The following GBP7 variants were observed in gnomAD, a reference collection of about 807,000 sequenced individuals.
The protein encoded by GBP7 is guanylate binding protein 7.
A neutral mutation model predicts 61.3 loss-of-function variants in GBP7; 43 were observed. The ratio of observed to expected loss-of-function variants is 0.70; its 90% CI spans 0.55 to 0.91. The LOEUF (loss-of-function observed/expected upper bound fraction) is 0.91. Ranked by LOEUF, GBP7 falls within the 40% of genes least tolerant of loss-of-function variation. GBP7 has a pLI of 0.00. For missense variants in GBP7, 717 were observed against 740.5 expected, an observed-to-expected ratio of 0.97 and a Z score of 0.37; for synonymous variants, 267 against 271.0, an observed-to-expected ratio of 0.99 and a Z score of 0.14.
intron 2 of GBP7, among the ~76,000 whole-genome samples, chr1:89,170,864 C>T (rs1470369988): frequency 6.6e-6 from 1 of 152,212 alleles, no homozygotes; most frequent in Non-Finnish European, 1.5e-5. Flanking sequence ...AGTGGCCTTA[C>T]TTGCTGCCAT....
At chr1:89,162,606 G>A (rs1041542026) in intron 3 of GBP7, among the ~76,000 whole-genome samples, 10 of 152,172 alleles carry the variant, frequency 6.6e-5, no homozygotes, top group African/African-American at 1.9e-4. Flanking sequence ...TTTGCATATC[G>A]ATTTTGTATC....
At position 89,147,599 on chromosome 1, in the gene GBP7, C is replaced by T. The variant is rs1557456290; in HGVS notation, c.1333G>A (p.Asp445Asn). ...YLEAKKKIEQ[D>N]YTLVPRKGVK... Reference sequence around the variant, plus strand: ...CCTTTTCTGGGCACTAGTGTATAGTCCTGTTCAATCTTCTTTTTTGCTTCT... The same window carrying T: ...CCTTTTCTGGGCACTAGTGTATAGTTCTGTTCAATCTTCTTTTTTGCTTCT... Residue 445 changes from aspartate (D) to asparagine (N), a missense_variant, in exon 8 of 11, where the codon GAC (aspartate) becomes AAC (asparagine). Physicochemically the swap from Asp to Asn is conservative, Grantham distance 23 (BLOSUM62 1). Coordinates refer to ENST00000294671, the MANE Select transcript of GBP7 (RefSeq NM_207398.3). The T allele has an allele frequency of 6.2e-7, 1 of 1,613,934 alleles. No homozygotes were observed. Among genetic ancestry groups the T allele is most frequent in the Non-Finnish European group, 8.5e-7 (1 of 1,179,938 alleles).
At chr1:89,140,533 A>G (rs1409955633) in intron 9 of GBP7, among the ~76,000 whole-genome samples, 1 of 151,702 alleles carries the variant, frequency 6.6e-6, no homozygotes, top group Non-Finnish European at 1.5e-5. Flanking sequence ...GCTGTTACTA[A>G]AAAGTAAAAA....
intron 3 of GBP7, among the ~76,000 whole-genome samples, chr1:89,154,695 C>G (rs1223688170): frequency 6.7e-6 from 1 of 149,670 alleles, no homozygotes; most frequent in Non-Finnish European, 1.5e-5. Flanking sequence ...TTCAGGCTTA[C>G]CCCCAAACTA....
intron 2 of GBP7, among the ~76,000 whole-genome samples, chr1:89,170,014 T>G (rs1425239556): frequency 1.3e-5 from 2 of 152,236 alleles, no homozygotes; most frequent in African/African-American, 4.8e-5. Context: ...TAACAGATGC[T>G]TTCTTCCATG....
At chr1:89,161,150 T>A (rs1051112699) in intron 3 of GBP7, among the ~76,000 whole-genome samples, 5 of 152,244 alleles carry the variant, frequency 3.3e-5, no homozygotes, top group African/African-American at 9.6e-5. Context: ...ATAGTGTATA[T>A]GTACCACATT....
At chr1:89,154,768 G>A (rs1682275367) in intron 3 of GBP7, among the ~76,000 whole-genome samples, 1 of 150,452 alleles carries the variant, frequency 6.6e-6, no homozygotes, top group Non-Finnish European at 1.5e-5. Context: ...TGGTGCCCCT[G>A]AACTTAATGA....
chr1:89,152,153 G>A (rs1421930914), intron 5 of GBP7, 115 bp downstream of exon 5: 7 of 835,882 alleles, frequency 8.4e-6, no homozygotes, highest in Non-Finnish European at 1.3e-5. Context: ...CAACCACCAT[G>A]AGCAAGGGCC....
chr1:89,139,144 A>T (rs985546366), intron 9 of GBP7, among the ~76,000 whole-genome samples: 1 of 152,180 alleles, frequency 6.6e-6, no homozygotes, highest in African/African-American at 2.4e-5. Context: ...AATGCCACAT[A>T]TCTACAACCA....
chr1:89,170,268 G>T (rs1647563108), intron 2 of GBP7, among the ~76,000 whole-genome samples: 1 of 152,094 alleles, frequency 6.6e-6, no homozygotes, highest in Non-Finnish European at 1.5e-5. Context: ...AAATGAATTT[G>T]TTATGCTCCT....
rs74626926 is a variant in GBP7, at chr1:89,138,815, A to G, written c.1468+2731T>C. 9.7e-3 allele frequency among the ~76,000 whole-genome samples: 1,475 copies of G among 152,220 alleles called. 28 individuals carry two copies. Among genetic ancestry groups the G allele is most frequent in the African/African-American group, 0.033 (1,391 of 41,566 alleles). ...ACTTCAAAAGCCACTGCAACCGAAC[A>G]AAAAGTTAACAAGAGGGACCTAATT... On this transcript the variant is annotated intron_variant, in intron 9 of 10. Coordinates refer to ENST00000294671, the MANE Select transcript of GBP7 (RefSeq NM_207398.3).
intron 3 of GBP7, among the ~76,000 whole-genome samples, chr1:89,163,335 A>G (rs1403484325): frequency 6.6e-6 from 1 of 151,260 alleles, no homozygotes; most frequent in South Asian, 2.1e-4. Context: ...TTCAGTAGGA[A>G]TGCTACCAGC....
intron 3 of GBP7, among the ~76,000 whole-genome samples, chr1:89,156,389 A>G (rs1682315438): frequency 1.3e-5 from 2 of 152,234 alleles, no homozygotes; most frequent in African/African-American, 4.8e-5. Flanking sequence ...AAATGCTCCA[A>G]TTAAAAGACA....
chr1:89,150,479 T>C lies in GBP7; in HGVS notation c.722A>G (p.Asn241Ser), dbSNP rs773468858. The C allele has an allele frequency of 5.6e-6, 9 of 1,614,082 alleles. No individual in the cohort carries two copies. In the South Asian group the frequency reaches 8.8e-5, roughly 16 times the overall value. The change falls in exon 6 of 11, where the codon AAT becomes AGT. Residue 241 changes from asparagine (N) to serine (S), a missense_variant. Asn to Ser is a conservative substitution (Grantham distance 46). Transcript: ENST00000294671. ...AACATGGAGTAAGAGTTTTTTGTCA[T>C]TTATTGGCCGGTCAAAGACAAAGCA... ...QKCFVFDRPI[N>S]DKKLLLHVEE...
At chr1:89,175,845 A>C (rs1647723829) in intron 1 of GBP7, 76 bp downstream of exon 1, 1 of 152,172 alleles carries the variant, frequency 6.6e-6, no homozygotes, top group African/African-American at 2.4e-5. Flanking sequence ...GCTGCAGCCT[A>C]TCTTGGGGAT....
chr1:89,156,079 C>T (rs1237066164), intron 3 of GBP7, among the ~76,000 whole-genome samples: 1 of 152,128 alleles, frequency 6.6e-6, no homozygotes, highest in Non-Finnish European at 1.5e-5. Flanking sequence ...ATTTTCAACC[C>T]AGAATTTCAT....
intron 3 of GBP7, among the ~76,000 whole-genome samples, chr1:89,153,993 A>G (rs1335161068): frequency 6.6e-6 from 1 of 152,246 alleles, no homozygotes; most frequent in Non-Finnish European, 1.5e-5. Flanking sequence ...ATTTAATTCA[A>G]CTGAATGAGT....
At chr1:89,154,714 A>C (rs1682274336) in intron 3 of GBP7, among the ~76,000 whole-genome samples, 1 of 151,720 alleles carries the variant, frequency 6.6e-6, no homozygotes. Flanking sequence ...TAAATAAAAT[A>C]AAATAAAATA....
At chr1:89,145,632 G>GT (rs1261858129) in intron 8 of GBP7, among the ~76,000 whole-genome samples, 2 of 152,046 alleles carry the variant, frequency 1.3e-5, no homozygotes, top group Admixed American at 6.6e-5. Context: ...CAGCAAAGTT[G>GT]GAGGATACAA....
Sources: allele counts gnomAD v4.1 joint callset (sites outside exome capture counted in the v4.1 genomes callset), GRCh38; gene constraint gnomAD v4.1.1; transcripts MANE v1.5; gene names NCBI Gene and HGNC (gene_info 2026-07-23, HGNC 2026-07-21).